The following SNX21 variants were observed in gnomAD, a reference collection of about 807,000 sequenced individuals.
The protein encoded by SNX21 is sorting nexin-21.
SNX21 carries 36 observed loss-of-function variants against 30.9 expected under a neutral mutation model. The ratio of observed to expected loss-of-function variants is 1.16; its 90% CI spans 0.89 to 1.54. The LOEUF is 1.54. SNX21 is among the 40% of genes most tolerant of loss of function. The pLI is 0.00. For synonymous variants in SNX21, 218 were observed against 222.7 expected, an observed-to-expected ratio of 0.98 and a Z score of 0.19; for missense variants, 508 against 516.5, an observed-to-expected ratio of 0.98 and a Z score of 0.16.
chr20:45,842,845 T>C lies in SNX21; in HGVS notation c.*1532T>C. On this transcript the variant is annotated 3_prime_UTR_variant, in exon 4 of 4. Transcript: ENST00000491381. ...TACTTGAGAATACCCCTTATCTGAG[T>C]ATAAAGAATCCTTGAGTTTTGTCCT... 1.0e-6 allele frequency: 1 copy of C among 995,696 alleles called. No individual in the cohort carries two copies. Among genetic ancestry groups the C allele is most frequent in the Non-Finnish European group, 1.2e-6 (1 of 835,524 alleles). The allele number at this position is 995,696 out of a possible 1,614,324, so 61.7% of individuals were successfully genotyped here. A position where few individuals can be genotyped will look rare whatever the true frequency, so the allele number is the denominator to read the frequency against.
At chr20:45,835,213 T>C (rs772856468) in intron 3 of SNX21, 97 bp downstream of exon 3, 1 of 1,344,170 alleles carries the variant, frequency 7.4e-7, no homozygotes, top group Non-Finnish European at 9.9e-7. Flanking sequence ...TATGTAGTTA[T>C]AAATGGTTAC....
Position 45,841,912 on chromosome 20 carries a change from C to T in SNX21, c.*599C>T, listed in dbSNP as rs1984179149. 6.2e-7 allele frequency: 1 copy of T among 1,612,828 alleles called. No individual in the cohort carries two copies. Among genetic ancestry groups the T allele is most frequent in the Non-Finnish European group, 8.5e-7 (1 of 1,179,818 alleles). On this transcript the variant is annotated 3_prime_UTR_variant, in exon 4 of 4. Transcript: ENST00000491381. Reference sequence around the variant, plus strand: ...TGGGCACAGGTCACAGCTAGGACTCCATCCTGACGCCACAGCCGCCCATGG... The same window carrying T: ...TGGGCACAGGTCACAGCTAGGACTCTATCCTGACGCCACAGCCGCCCATGG...
Position 45,840,960 on chromosome 20 carries a change from C to A in SNX21, c.769C>A (p.Arg257Ser), listed in dbSNP as rs779877736. Residue 257 changes from arginine to serine, a missense_variant, in exon 4 of 4, where the codon CGT becomes AGT. Coordinates refer to ENST00000491381, the MANE Select transcript of SNX21 (RefSeq NM_033421.4). ...AQSLTCTGLY[R>S]EALALWANAW... ...GAGCCTCACCTGTACTGGCCTCTAT[C>A]GTGAGGCTCTGGCACTCTGGGCCAA... is the stretch of plus-strand genomic sequence containing the variant. The A allele has an allele frequency of 6.2e-7, 1 of 1,610,396 alleles. No individual in the cohort carries two copies. Among genetic ancestry groups the A allele is most frequent in the African/African-American group, 1.3e-5 (1 of 74,896 alleles).
At position 45,833,883 on chromosome 20, in the gene SNX21, G is replaced by A. The variant is rs569640588; in HGVS notation, c.-37G>A. On this transcript the variant is annotated 5_prime_UTR_variant, in exon 1 of 4. Transcript: ENST00000491381. Reference sequence around the variant, plus strand: ...GGCCGACCTCCATGGGCTGCGGGGGGCTGCACCCGGACCCCTGGGGCGCGG... The same window carrying A: ...GGCCGACCTCCATGGGCTGCGGGGGACTGCACCCGGACCCCTGGGGCGCGG... 8.9e-6 allele frequency: 12 copies of A among 1,352,432 alleles called. No individual in the cohort carries two copies. Among genetic ancestry groups the A allele is most frequent in the African/African-American group, 7.7e-5 (5 of 65,148 alleles). The allele number at this position is 1,352,432 out of a possible 1,614,324, so 83.8% of individuals were successfully genotyped here.
chr20:45,840,002 T>A, intron 3 of SNX21: 1 of 252,782 alleles, frequency 4.0e-6, no homozygotes, highest in Non-Finnish European at 6.2e-6. Flanking sequence ...TACTTGTACA[T>A]GTCTCATTTT....
At chr20:45,840,050 A>T in intron 3 of SNX21, 1 of 701,806 alleles carries the variant, frequency 1.4e-6, no homozygotes, top group Non-Finnish European at 1.8e-6. Context: ...TTCCTTCACT[A>T]GAAACAGAAG....
rs1211228499 is a variant in SNX21, at chr20:45,840,986, T to G, written c.795T>G (p.Asn265Lys). 2 of 1,610,526 alleles carry G rather than the reference T, an allele frequency of 1.2e-6. No homozygotes were observed. Among genetic ancestry groups the G allele is most frequent in the African/African-American group, 2.7e-5 (2 of 74,910 alleles). The change falls in exon 4 of 4, where the codon AAT (asparagine) becomes AAG (lysine). Residue 265 changes from asparagine to lysine, a missense_variant. Coordinates refer to ENST00000491381, the MANE Select transcript of SNX21 (RefSeq NM_033421.4). ...GTGAGGCTCTGGCACTCTGGGCCAA[T>G]GCCTGGCAGCTGCAAGCCCAGCTGG... ...LYREALALWA[N>K]AWQLQAQLGT...
Position 45,838,943 on chromosome 20 carries a change from C to A in SNX21, c.448-1696C>A, listed in dbSNP as rs554025937. Among the ~76,000 whole-genome samples the A allele has an allele frequency of 8.7e-5, 13 of 149,236 alleles. No individual in the cohort carries two copies. In the South Asian group the frequency reaches 1.5e-3, roughly 17 times the overall value. ...GAGTTTCACTCTTGGTGCCCAGGCT[C>A]GAGTGCCATGAGCAATCTCGGCTCA... is the stretch of plus-strand genomic sequence containing the variant. On this transcript the variant is annotated intron_variant, in intron 3 of 3. Transcript: ENST00000491381.
Position 45,842,355 on chromosome 20 carries a change from T to G in SNX21, c.*1042T>G. On this transcript the variant is annotated 3_prime_UTR_variant, in exon 4 of 4. Coordinates refer to ENST00000491381, the MANE Select transcript of SNX21 (RefSeq NM_033421.4). ...AAAAAGATCACAGAGGGAGGAGCTCTGAGAACAGTCTCCTTCAACAGCTCG... is the reference window on the plus strand; with the variant it reads ...AAAAAGATCACAGAGGGAGGAGCTCGGAGAACAGTCTCCTTCAACAGCTCG... 7.4e-7 allele frequency: 1 copy of G among 1,359,088 alleles called. No homozygotes were observed. The highest frequency in any genetic ancestry group is 2.9e-5 in the East Asian group (1 of 34,444). The allele number at this position is 1,359,088 out of a possible 1,614,324, so 84.2% of individuals were successfully genotyped here.
intron 3 of SNX21, among the ~76,000 whole-genome samples, chr20:45,839,318 A>T (rs1210269528): frequency 3.3e-5 from 5 of 152,122 alleles, no homozygotes; most frequent in Non-Finnish European, 7.4e-5. Context: ...GATCGAGACC[A>T]TCCTGGCTAA....
In SNX21 at chr20:45,834,989, G is replaced by A. The variant is rs769418081; in HGVS notation, c.320G>A (p.Gly107Asp). ...ERSPPPDGQW[G>D]SQLLARQLQD... Reference sequence around the variant, plus strand: ...AGCCCCCCACCTGATGGGCAGTGGGGCAGTCAGCTCCTGGCGCGGCAGCTG... The same window carrying A: ...AGCCCCCCACCTGATGGGCAGTGGGACAGTCAGCTCCTGGCGCGGCAGCTG... Residue 107 changes from glycine to aspartate, a missense_variant, in exon 3 of 4, where the codon GGC (glycine) becomes GAC (aspartate). By Grantham distance (94) the Gly-to-Asp change is moderately conservative. Transcript: ENST00000491381. 1.9e-6 allele frequency: 3 copies of A among 1,614,148 alleles called. No homozygotes were observed. Among genetic ancestry groups the A allele is most frequent in the Non-Finnish European group, 1.7e-6 (2 of 1,180,006 alleles).
chr20:45,840,765 G>A lies in SNX21; in HGVS notation c.574G>A (p.Ala192Thr), dbSNP rs1267620240. 1.5e-5 allele frequency: 24 copies of A among 1,614,152 alleles called. No homozygotes were observed. The highest frequency in any genetic ancestry group is 2.0e-5 in the Non-Finnish European group (24 of 1,180,048). The change falls in exon 4 of 4, where the codon GCC becomes ACC. Residue 192 changes from alanine (A) to threonine (T), a missense_variant. By Grantham distance (58) the Ala-to-Thr change is moderately conservative. Transcript: ENST00000491381. ...GCGGCAATTCCGGGGCCCAATGGCT[G>A]CCATCTCCTTCCCCCGTAAGCGGCT... The part of the protein sequence containing the change: ...LQRQFRGPMA[A>T]ISFPRKRLRR...
At position 45,841,095 on chromosome 20, in the gene SNX21, G is replaced by T; in HGVS notation, c.904G>T (p.Ala302Ser). Reference protein sequence around the residue: ...CHQELEDPGEARACCEKALQL... With the variant: ...CHQELEDPGESRACCEKALQL... ...CCAGGAGCTGGAAGACCCTGGAGAGGCCCGGGCATGCTGTGAGAAGGCCCT... is the reference window on the plus strand; with the variant it reads ...CCAGGAGCTGGAAGACCCTGGAGAGTCCCGGGCATGCTGTGAGAAGGCCCT... Residue 302 changes from alanine (A) to serine (S), a missense_variant, in exon 4 of 4, where the codon GCC (alanine) becomes TCC (serine). Coordinates refer to ENST00000491381, the MANE Select transcript of SNX21 (RefSeq NM_033421.4). The T allele has an allele frequency of 6.2e-7, 1 of 1,609,282 alleles. No individual in the cohort carries two copies.
chr20:45,839,564 CTG>C (rs1304273363), intron 3 of SNX21, among the ~76,000 whole-genome samples: 1 of 151,880 alleles, frequency 6.6e-6, no homozygotes, highest in Non-Finnish European at 1.5e-5. Context: ...CAAAACCAAA[CTG>C]AGAGCTTCTC....
At chr20:45,840,378 G>T in intron 3 of SNX21, 1 of 1,614,032 alleles carries the variant, frequency 6.2e-7, no homozygotes, top group South Asian at 1.1e-5. Flanking sequence ...AAAAGGGGCA[G>T]CAGCCCCGGG....
chr20:45,841,228 G>A lies in SNX21; in HGVS notation c.1037G>A (p.Arg346Gln), dbSNP rs144789879. Residue 346 changes from arginine (R) to glutamine (Q), a missense_variant, in exon 4 of 4, where the codon CGG becomes CAG. By Grantham distance (43) the Arg-to-Gln change is conservative (BLOSUM62 1). Coordinates refer to ENST00000491381, the MANE Select transcript of SNX21 (RefSeq NM_033421.4). ...CTGGACAAACGTCAATCAGAGGCTC[G>A]GCTCCAAGCCCTGCAGGAGGCAGGC... ...LGLDKRQSEA[R>Q]LQALQEAGLT... 80 of 1,613,212 alleles carry A rather than the reference G, an allele frequency of 5.0e-5. No individual in the cohort carries two copies. The African/African-American group carries it at 7.7e-4, about 16-fold the overall frequency.
In SNX21 at chr20:45,834,210, G is replaced by T. The variant is rs772418974; in HGVS notation, c.31G>T (p.Ala11Ser). 4 of 1,525,782 alleles carry T rather than the reference G, an allele frequency of 2.6e-6. No homozygotes were observed. In the Admixed American group the frequency reaches 6.2e-5, roughly 24 times the overall value. The allele number at this position is 1,525,782 out of a possible 1,614,324, so 94.5% of individuals were successfully genotyped here. A position where few individuals can be genotyped will look rare whatever the true frequency, so the allele number is the denominator to read the frequency against. Residue 11 changes from alanine (A) to serine (S), a missense_variant, in exon 2 of 4, where the codon GCC (alanine) becomes TCC (serine). Physicochemically the swap from Ala to Ser is moderately conservative, Grantham distance 99. Coordinates refer to ENST00000491381, the MANE Select transcript of SNX21 (RefSeq NM_033421.4). ...CGCGCGCTCCCCCCAGGGTGCCATG[G>T]CCTCCCGGCTCCTGCACCGGCTGCG... Reference protein sequence around the residue: MHRGTQEGAMASRLLHRLRHA... With the variant: MHRGTQEGAMSSRLLHRLRHA...
chr20:45,840,660 G>A lies in SNX21; in HGVS notation c.469G>A (p.Gly157Ser), dbSNP rs778168197. 6 of 1,614,106 alleles carry A rather than the reference G, an allele frequency of 3.7e-6. No individual in the cohort carries two copies. Among genetic ancestry groups the A allele is most frequent in the Admixed American group, 1.7e-5 (1 of 60,022 alleles). ...GCAGCTCTACACCCTCGCCGTGATC[G>A]GCCCAGGACCGCCAGATTGCCAGCC... ...KYVLYTLAVI[G>S]PGPPDCQPAQ... Residue 157 changes from glycine to serine, a missense_variant, in exon 4 of 4, where the codon GGC becomes AGC. By Grantham distance (56) the Gly-to-Ser change is moderately conservative. Transcript: ENST00000491381.
chr20:45,839,319 T>C (rs879424501), intron 3 of SNX21, among the ~76,000 whole-genome samples: 4 of 151,922 alleles, frequency 2.6e-5, no homozygotes, highest in Non-Finnish European at 5.9e-5. Flanking sequence ...ATCGAGACCA[T>C]CCTGGCTAAC....
Sources: allele counts gnomAD v4.1 joint callset (sites outside exome capture counted in the v4.1 genomes callset), GRCh38; gene constraint gnomAD v4.1.1; transcripts MANE v1.5; gene names NCBI Gene and HGNC (gene_info 2026-07-23, HGNC 2026-07-21).